MELK: variants seen among roughly 807,000 people sequenced by gnomAD.
The protein encoded by MELK is maternal embryonic leucine zipper kinase, also known as pEg3 kinase.
A neutral mutation model predicts 85.0 loss-of-function variants in MELK; 81 were observed. The observed-to-expected ratio is 0.95, with a 90% CI of 0.80 to 1.15. The LOEUF is 1.15. Among genes scored for constraint, MELK ranks in the 50% most tolerant of loss-of-function variants. The pLI is 0.00. For synonymous variants in MELK, 252 were observed against 265.0 expected (o/e 0.95, Z 0.48); for missense variants, 754 against 777.5 (o/e 0.97, Z 0.36).
rs943076965 is a variant in MELK at position 36,625,724 on chromosome 9, C to T, written c.667-4575C>T. Among the ~76,000 whole-genome samples the T allele has an allele frequency of 3.9e-5, 6 of 151,962 alleles. No individual in the cohort carries two copies. The East Asian group carries it at 1.2e-3, about 29-fold the overall frequency. ...TCACCTGAGGCCAGGAGTTCAAGAC[C>T]AGCCTGGCCAACATGATGAGACCCT... On this transcript the variant is annotated intron_variant, in intron 8 of 17. Coordinates refer to ENST00000298048, the MANE Select transcript of MELK (RefSeq NM_014791.4).
At chr9:36,600,372 G>A (rs980567480) in intron 7 of MELK, among the ~76,000 whole-genome samples, 2 of 150,504 alleles carry the variant, frequency 1.3e-5, no homozygotes, top group African/African-American at 2.4e-5. Flanking sequence ...GAGCCACTGC[G>A]CCCAGCCTCC....
At chr9:36,599,566 T>A in intron 7 of MELK, 80 bp downstream of exon 7, 1 of 960,622 alleles carries the variant, frequency 1.0e-6, no homozygotes, top group Non-Finnish European at 1.6e-6. Flanking sequence ...GCACTGTGCG[T>A]TGGGGGTATA....
intron 14 of MELK, among the ~76,000 whole-genome samples, chr9:36,667,751 C>T (rs1001407237): frequency 2.0e-5 from 3 of 151,738 alleles, no homozygotes; most frequent in African/African-American, 4.8e-5. Flanking sequence ...TTTTTCTCTT[C>T]TCTCCTCTTC....
intron 4 of MELK, among the ~76,000 whole-genome samples, chr9:36,592,157 C>G (rs1347729427): frequency 1.3e-5 from 2 of 149,882 alleles, no homozygotes; most frequent in Non-Finnish European, 3.0e-5. Context: ...CCACCCTAGT[C>G]ATCACATTTC....
intron 14 of MELK, 49 bp from the exon 15 acceptor site, chr9:36,669,261 A>G (rs766190291): frequency 8.0e-7 from 1 of 1,245,962 alleles, no homozygotes; most frequent in Non-Finnish European, 1.1e-6. Context: ...GAAATTTCAG[A>G]ACCATAGTAT....
intron 16 of MELK, among the ~76,000 whole-genome samples, chr9:36,673,933 C>T (rs1833113017): frequency 6.6e-6 from 1 of 152,038 alleles, no homozygotes; most frequent in African/African-American, 2.4e-5. Flanking sequence ...ATCCATGTGC[C>T]ACCCAGAATT....
At chr9:36,578,243 G>GT (rs111828743) in intron 1 of MELK, among the ~76,000 whole-genome samples, 138,096 of 148,542 alleles carry the variant, frequency 0.93, 64,252 homozygotes, top group Middle Eastern at 0.97. Flanking sequence ...GATCCAATGT[G>GT]TTTTTTTTTT....
chr9:36,600,745 C>T (rs1355999552), intron 7 of MELK, among the ~76,000 whole-genome samples: 1 of 152,164 alleles, frequency 6.6e-6, no homozygotes, highest in East Asian at 1.9e-4. Flanking sequence ...AGGAACATCA[C>T]AGATAACAGC....
At chr9:36,631,467 TGTTGTCCA>T (rs1828610661) in intron 9 of MELK, among the ~76,000 whole-genome samples, 1 of 152,060 alleles carries the variant, frequency 6.6e-6, no homozygotes, top group South Asian at 2.1e-4. Flanking sequence ...GGTTTCACCA[TGTTGTCCA>T]GGCTGGTCTT....
chr9:36,670,020 C>G (rs1335170400), intron 15 of MELK, among the ~76,000 whole-genome samples: 1 of 152,174 alleles, frequency 6.6e-6, no homozygotes, highest in Non-Finnish European at 1.5e-5. Flanking sequence ...GAACCCAGGT[C>G]TTCTCATTCC....
At chr9:36,579,215 C>T (rs906189164) in intron 1 of MELK, among the ~76,000 whole-genome samples, 7 of 152,268 alleles carry the variant, frequency 4.6e-5, no homozygotes, top group African/African-American at 7.2e-5. Flanking sequence ...TTAGTAGAGA[C>T]GGGGTTTCAC....
chr9:36,637,355 T>A (rs1159960190), intron 10 of MELK, among the ~76,000 whole-genome samples: 1 of 152,158 alleles, frequency 6.6e-6, no homozygotes, highest in Non-Finnish European at 1.5e-5. Flanking sequence ...AAGATATAAA[T>A]GTAGTGAGAA....
chr9:36,609,447 C>CT (rs58390406), intron 8 of MELK, among the ~76,000 whole-genome samples: 20,768 of 132,696 alleles, frequency 0.16, 1,758 homozygotes, highest in Middle Eastern at 0.17. Flanking sequence ...CTTTCTTCTT[C>CT]TTTTTTTTTT....
chr9:36,657,277 G>T lies in MELK; in HGVS notation c.1090G>T (p.Asp364Tyr). ...NWSLEDVTAS[D>Y]KNYVAGLIDY... ...GAGTCTGGAAGATGTGACCGCAAGT[G>T]ATAAAAATTATGTGGCGGGATTAAT... is the stretch of plus-strand genomic sequence containing the variant. The change falls in exon 13 of 18, where the codon GAT (aspartate) becomes TAT (tyrosine). Residue 364 changes from aspartate to tyrosine, a missense_variant. Transcript: ENST00000298048. The T allele has an allele frequency of 6.2e-7, 1 of 1,613,506 alleles. No homozygotes were observed. The highest frequency in any genetic ancestry group is 1.1e-5 in the South Asian group (1 of 90,838).
At chr9:36,614,425 G>GTT (rs58332948) in intron 8 of MELK, among the ~76,000 whole-genome samples, 22,676 of 118,684 alleles carry the variant, frequency 0.19, 2,046 homozygotes, top group African/African-American at 0.23. Flanking sequence ...TTATTTTTGG[G>GTT]TTTTTTTTTT....
Position 36,583,674 on chromosome 9 carries a change from A to C in MELK, c.106A>C (p.Met36Leu). The C allele has an allele frequency of 6.2e-7, 1 of 1,612,834 alleles. No homozygotes were observed. The highest frequency in any genetic ancestry group is 1.1e-5 in the South Asian group (1 of 90,950). ...TGCCTGCCATATCCTTACTGGAGAGATGGTAGCTATAAAAATCATGGATAA... is the reference window on the plus strand; with the variant it reads ...TGCCTGCCATATCCTTACTGGAGAGCTGGTAGCTATAAAAATCATGGATAA... Reference protein sequence around the residue: ...KLACHILTGEMVAIKIMDKNT... With the variant: ...KLACHILTGELVAIKIMDKNT... Residue 36 changes from methionine to leucine, a missense_variant, in exon 3 of 18, where the codon ATG (methionine) becomes CTG (leucine). Physicochemically the swap from Met to Leu is conservative, Grantham distance 15. Coordinates refer to ENST00000298048, the MANE Select transcript of MELK (RefSeq NM_014791.4).
At chr9:36,591,214 G>C (rs1823519500) in intron 4 of MELK, among the ~76,000 whole-genome samples, 1 of 152,236 alleles carries the variant, frequency 6.6e-6, no homozygotes, top group South Asian at 2.1e-4. Flanking sequence ...AAACCTCTTT[G>C]ATTTTAAAAC....
chr9:36,645,831 CCAG>C (rs1159343353), intron 11 of MELK, among the ~76,000 whole-genome samples: 1 of 152,132 alleles, frequency 6.6e-6, no homozygotes, highest in African/African-American at 2.4e-5. Context: ...TGGCCTAGGA[CCAG>C]CAGCAGCAGC....
intron 8 of MELK, among the ~76,000 whole-genome samples, chr9:36,621,258 T>A (rs1217145212): frequency 1.1e-5 from 1 of 94,748 alleles, no homozygotes; most frequent in East Asian, 3.5e-4. Context: ...AATGACAGAG[T>A]GAGACTCTGT....
Sources: gnomAD v4.1 joint callset for allele counts (sites outside exome capture counted in the v4.1 genomes callset) on GRCh38, gnomAD v4.1.1 for gene constraint, MANE v1.5 for transcripts, NCBI Gene and HGNC (gene_info 2026-07-23, HGNC 2026-07-21) for gene names.